The following CEP162 variants were observed in gnomAD, a reference collection of about 807,000 sequenced individuals.
The protein encoded by CEP162 is centrosomal protein 162, also known as centrosomal protein of 162 kDa.
Under a neutral mutation model 169.2 loss-of-function variants are expected in CEP162, and 141 were observed. The observed-to-expected ratio is 0.83, with a 90% CI of 0.73 to 0.96. The LOEUF (loss-of-function observed/expected upper bound fraction) is 0.96, where lower values mean the gene tolerates loss of function less well. Ranked by LOEUF, CEP162 falls within the 40% of genes least tolerant of loss-of-function variation. CEP162 has a pLI of 0.00. For synonymous variants in CEP162, 540 were observed against 526.4 expected (o/e 1.03, Z -0.35); for missense variants, 1,600 against 1,587.2 (o/e 1.01, Z -0.14).
At chr6:84,126,547 A>G (rs1248835570) in intron 25 of CEP162, 35 bp from the exon 26 acceptor site, 2 of 1,400,384 alleles carry the variant, frequency 1.4e-6, no homozygotes, top group East Asian at 2.6e-5. Context: ...GAAAAACTAT[A>G]ATCACAAGAA....
At chr6:84,133,665 A>G (rs886600937) in intron 25 of CEP162, among the ~76,000 whole-genome samples, 1 of 152,168 alleles carries the variant, frequency 6.6e-6, no homozygotes, top group Non-Finnish European at 1.5e-5. Context: ...CCTCTGAGCC[A>G]TGCGCGGGAT....
chr6:84,127,991 CA>C (rs1390691275), intron 25 of CEP162, among the ~76,000 whole-genome samples: 1 of 152,168 alleles, frequency 6.6e-6, no homozygotes, highest in East Asian at 1.9e-4. Flanking sequence ...ACAGATGTCT[CA>C]TTTTTTTATT....
In CEP162 at chr6:84,126,817, A is replaced by G. The variant is rs2099509125; in HGVS notation, c.3871-305T>C. Reference sequence around the variant, plus strand: ...CTTTAATGCATTAAGTTTCACTACAAGGTATTGTTAGTAAGATGGTTACTT... The same window carrying G: ...CTTTAATGCATTAAGTTTCACTACAGGGTATTGTTAGTAAGATGGTTACTT... On this transcript the variant is annotated intron_variant, in intron 25 of 26. Coordinates refer to ENST00000403245, the MANE Select transcript of CEP162 (RefSeq NM_014895.4). Among the ~76,000 whole-genome samples, 4 of 152,044 alleles carry G rather than the reference A, an allele frequency of 2.6e-5. No homozygotes were observed. The South Asian group carries it at 8.3e-4, about 31-fold the overall frequency.
chr6:84,185,160 T>C (rs756682124), intron 13 of CEP162, 27 bp downstream of exon 13: 2 of 1,551,490 alleles, frequency 1.3e-6, no homozygotes, highest in Non-Finnish European at 1.8e-6. Context: ...AGTAAAACAA[T>C]ATACTAAATA....
At chr6:84,195,129 C>T (rs768427) in intron 9 of CEP162, 54 bp from the exon 10 acceptor site, 55,097 of 1,296,272 alleles carry the variant, frequency 0.043, 1,452 homozygotes, top group Admixed American at 0.1. Context: ...TACATGAGAA[C>T]GATAAAACAC....
intron 25 of CEP162, among the ~76,000 whole-genome samples, chr6:84,135,699 C>T (rs766405981): frequency 1.3e-5 from 2 of 152,054 alleles, no homozygotes; most frequent in African/African-American, 4.8e-5. Context: ...TCCATCTCTA[C>T]TAAAAACACA....
chr6:84,202,227 G>C (rs935473389), intron 7 of CEP162, among the ~76,000 whole-genome samples: 2 of 152,092 alleles, frequency 1.3e-5, no homozygotes, highest in Non-Finnish European at 1.5e-5. Flanking sequence ...ACAACTTTCA[G>C]AAAGACAGGC....
In CEP162 at chr6:84,126,392, G is replaced by GT; in HGVS notation, c.3990dup (p.Gln1331ThrfsTer17). 1 of 1,594,730 alleles carries GT rather than the reference G, an allele frequency of 6.3e-7. No individual in the cohort carries two copies. The highest frequency in any genetic ancestry group is 8.5e-7 in the Non-Finnish European group (1 of 1,171,928). On this transcript the variant is annotated frameshift_variant, in exon 26 of 27. Transcript: ENST00000403245. LOFTEE classifies it high-confidence loss of function. Reference sequence around the variant, plus strand: ...ATTTACTTTACCTGTTGAAGTTCCTGTTCTCTTTGTGCATGTCTCATTTCC... The same window carrying GT: ...ATTTACTTTACCTGTTGAAGTTCCTGTTTCTCTTTGTGCATGTCTCATTTCC...
At chr6:84,131,432 T>A (rs562059307) in intron 25 of CEP162, among the ~76,000 whole-genome samples, 2 of 152,314 alleles carry the variant, frequency 1.3e-5, no homozygotes, top group East Asian at 3.9e-4. Flanking sequence ...ATCTGTCTAA[T>A]GTTGACAGTG....
At chr6:84,219,159 C>G in intron 3 of CEP162, 1 of 1,293,034 alleles carries the variant, frequency 7.7e-7, no homozygotes. Context: ...AATTCTCCCT[C>G]AGAAGGTTCT....
At chr6:84,165,556 T>A (rs62449297) in intron 18 of CEP162, among the ~76,000 whole-genome samples, 7,517 of 152,166 alleles carry the variant, frequency 0.049, 240 homozygotes, top group Admixed American at 0.095. Context: ...CATGTATAGG[T>A]AACCTCTTCT....
At chr6:84,198,732 G>A (rs1345470825) in intron 9 of CEP162, among the ~76,000 whole-genome samples, 1 of 152,114 alleles carries the variant, frequency 6.6e-6, no homozygotes, top group Non-Finnish European at 1.5e-5. Context: ...CAACAAAGTT[G>A]TAACTGTTTA....
intron 12 of CEP162, 109 bp downstream of exon 12, chr6:84,186,223 T>C: frequency 3.1e-6 from 2 of 638,574 alleles, no homozygotes; most frequent in Non-Finnish European, 5.4e-6. Flanking sequence ...GAGGTTAGTA[T>C]ATAATCAATC....
intron 18 of CEP162, 78 bp from the exon 19 acceptor site, chr6:84,163,348 T>C (rs1012080536): frequency 9.5e-7 from 1 of 1,053,168 alleles, no homozygotes; most frequent in Non-Finnish European, 1.4e-6. Flanking sequence ...AAACAATCCA[T>C]CATGAACACT....
At chr6:84,183,151 G>T (rs1246901724) in intron 13 of CEP162, among the ~76,000 whole-genome samples, 1 of 151,932 alleles carries the variant, frequency 6.6e-6, no homozygotes, top group Admixed American at 6.6e-5. Flanking sequence ...TTTTAATAAT[G>T]TGTTTTTTTT....
chr6:84,213,186 GT>G (rs1299951329), intron 5 of CEP162, among the ~76,000 whole-genome samples, 162 bp from the exon 6 acceptor site: 2 of 151,740 alleles, frequency 1.3e-5, no homozygotes, highest in African/African-American at 4.8e-5. Context: ...TAAGGAAAAC[GT>G]TTTGAAAATA....
intron 11 of CEP162, among the ~76,000 whole-genome samples, chr6:84,192,252 A>G (rs2099540232): frequency 6.6e-6 from 1 of 152,220 alleles, no homozygotes; most frequent in African/African-American, 2.4e-5. Context: ...TATTACTGAC[A>G]TTTCTATTAC....
At position 84,193,676 on chromosome 6, in the gene CEP162, C is replaced by G. The variant is rs16874323; in HGVS notation, c.1042G>C (p.Glu348Gln). 0.022 allele frequency: 33,790 copies of G among 1,562,950 alleles called. 606 individuals carry two copies. The highest frequency in any genetic ancestry group is 0.098 in the African/African-American group (7,190 of 73,684). The change falls in exon 11 of 27, where the codon GAG becomes CAG. Residue 348 changes from glutamate (E) to glutamine (Q), a missense_variant. Coordinates refer to ENST00000403245, the MANE Select transcript of CEP162 (RefSeq NM_014895.4). ...STMESDLPTV[E>Q]ELMKPIRIDS... Reference sequence around the variant, plus strand: ...ATTCTGATAGGTTTCATCAGCTCCTCTACTGTGGGCAGATCTAAGAGGTGG... The same window carrying G: ...ATTCTGATAGGTTTCATCAGCTCCTGTACTGTGGGCAGATCTAAGAGGTGG...
rs1485023061 is a variant in CEP162, at chr6:84,152,700, C to T, written c.3474G>A (p.Leu1158=). 2.5e-6 allele frequency: 4 copies of T among 1,612,946 alleles called. No individual in the cohort carries two copies. Among genetic ancestry groups the T allele is most frequent in the South Asian group, 1.1e-5 (1 of 90,974 alleles). The change falls in exon 23 of 27, where the codon CTG becomes CTA. Residue 1158 remains leucine, a synonymous_variant. Transcript: ENST00000403245. ...NSFPGTLDSK[L]YQPHTFTDSH... ...AATCAGTGAAAGTATGTGGTTGGTA[C>T]AGCTTGCTGTCCAGGGTTCCAGGGA...
Sources: allele counts gnomAD v4.1 joint callset (sites outside exome capture counted in the v4.1 genomes callset), GRCh38; gene constraint gnomAD v4.1.1; transcripts MANE v1.5; gene names NCBI Gene and HGNC (gene_info 2026-07-23, HGNC 2026-07-21).